OXR1: variants seen among roughly 807,000 people sequenced by gnomAD.
The protein encoded by OXR1 is oxidation resistance 1.
A neutral mutation model predicts 104.6 loss-of-function variants in OXR1; 41 were observed. That is an observed-to-expected ratio of 0.39 (90% CI 0.31 to 0.51). The LOEUF (loss-of-function observed/expected upper bound fraction) is 0.51. Among genes scored for constraint, OXR1 ranks in the 20% least tolerant of loss-of-function variants. The pLI is 0.77. For missense variants in OXR1, 955 were observed against 1,031.9 expected (o/e 0.93, Z 1.02); for synonymous variants, 348 against 348.4 (o/e 1.00, Z 0.01).
At chr8:106,612,958 C>T (rs1278309199) in intron 3 of OXR1, among the ~76,000 whole-genome samples, 2 of 152,076 alleles carry the variant, frequency 1.3e-5, no homozygotes, top group Non-Finnish European at 2.9e-5. Context: ...AGAATCATAA[C>T]TGCTCATCAC....
At chr8:106,338,822 T>C (rs1301332499) in intron 1 of OXR1, among the ~76,000 whole-genome samples, 1 of 152,128 alleles carries the variant, frequency 6.6e-6, no homozygotes, top group Non-Finnish European at 1.5e-5. Flanking sequence ...TTTGTGATTC[T>C]TGGTATTTAT....
intron 2 of OXR1, among the ~76,000 whole-genome samples, chr8:106,416,225 A>G (rs983714675): frequency 4.6e-5 from 7 of 152,154 alleles, no homozygotes; most frequent in Admixed American, 3.9e-4. Flanking sequence ...TCATGAGTGT[A>G]AGAGAGAATC....
intron 14 of OXR1, among the ~76,000 whole-genome samples, chr8:106,740,746 A>G (rs1016275887): frequency 6.6e-6 from 1 of 152,102 alleles, no homozygotes; most frequent in African/African-American, 2.4e-5. Context: ...CAACATCTCT[A>G]ATGGTGGGGA....
intron 7 of OXR1, among the ~76,000 whole-genome samples, chr8:106,698,509 G>C (rs567343154): frequency 6.6e-6 from 1 of 151,858 alleles, no homozygotes; most frequent in African/African-American, 2.4e-5. Context: ...CTCTTCTTTG[G>C]GAACTCCAAT....
At chr8:106,482,479 G>A (rs147631781) in intron 2 of OXR1, among the ~76,000 whole-genome samples, 80 of 151,304 alleles carry the variant, frequency 5.3e-4, no homozygotes, top group African/African-American at 1.6e-3. Context: ...TGTTGAGAGA[G>A]TTACATCGAT....
chr8:106,523,936 G>A (rs1281418292), intron 3 of OXR1, among the ~76,000 whole-genome samples: 1 of 151,948 alleles, frequency 6.6e-6, no homozygotes, highest in African/African-American at 2.4e-5. Context: ...CACCATGCCT[G>A]GCTAAGTTTT....
intron 2 of OXR1, among the ~76,000 whole-genome samples, chr8:106,382,859 C>T (rs1243117708): frequency 3.9e-5 from 6 of 152,008 alleles, no homozygotes; most frequent in South Asian, 2.1e-4. Flanking sequence ...AAGGCTAATG[C>T]AGGTGAAATA....
At chr8:106,618,989 G>C (rs1484496055) in intron 3 of OXR1, among the ~76,000 whole-genome samples, 1 of 152,042 alleles carries the variant, frequency 6.6e-6, no homozygotes, top group Middle Eastern at 3.2e-3. Flanking sequence ...AAAAAGAACT[G>C]AGGCGTGTAA....
chr8:106,601,263 G>T (rs952926239), intron 3 of OXR1, among the ~76,000 whole-genome samples: 1 of 152,194 alleles, frequency 6.6e-6, no homozygotes, highest in African/African-American at 2.4e-5. Context: ...AGGATGGGAG[G>T]TATGGTAGCC....
intron 2 of OXR1, among the ~76,000 whole-genome samples, chr8:106,456,686 T>C (rs1487482615): frequency 6.6e-6 from 1 of 152,164 alleles, no homozygotes; most frequent in African/African-American, 2.4e-5. Flanking sequence ...CATGATAACA[T>C]AACAATACAT....
chr8:106,336,725 G>A (rs756206921), intron 1 of OXR1, among the ~76,000 whole-genome samples: 55 of 152,066 alleles, frequency 3.6e-4, no homozygotes, highest in Non-Finnish European at 5.6e-4. Context: ...TTCATTTTTG[G>A]TGAACTCTTA....
At chr8:106,584,228 GAAA>G (rs1161625082) in intron 3 of OXR1, among the ~76,000 whole-genome samples, 1 of 151,280 alleles carries the variant, frequency 6.6e-6, no homozygotes, top group East Asian at 1.9e-4. Context: ...AAATAATAGA[GAAA>G]AAGTAGAGAA....
At chr8:106,690,792 A>G (rs887759004) in intron 6 of OXR1, among the ~76,000 whole-genome samples, 5 of 151,960 alleles carry the variant, frequency 3.3e-5, no homozygotes, top group African/African-American at 1.2e-4. Context: ...TACAGCATAC[A>G]CTGCTTCAAA....
At chr8:106,395,975 T>C (rs1817762242) in intron 2 of OXR1, among the ~76,000 whole-genome samples, 1 of 152,066 alleles carries the variant, frequency 6.6e-6, no homozygotes, top group African/African-American at 2.4e-5. Flanking sequence ...GAGTTCCCAA[T>C]GGCCAAGACT....
chr8:106,409,009 C>T (rs886287341), intron 2 of OXR1, among the ~76,000 whole-genome samples: 2 of 152,128 alleles, frequency 1.3e-5, no homozygotes, highest in Non-Finnish European at 2.9e-5. Context: ...AAAAATTCCC[C>T]CATACTCCCT....
intron 16 of OXR1, among the ~76,000 whole-genome samples, chr8:106,747,399 CT>C (rs1835480831): frequency 6.6e-6 from 1 of 152,200 alleles, no homozygotes; most frequent in South Asian, 2.1e-4. Flanking sequence ...TACTCATTTT[CT>C]TTCATCCAAC....
At chr8:106,609,729 A>ACTAC (rs1820668397) in intron 3 of OXR1, among the ~76,000 whole-genome samples, 1 of 152,156 alleles carries the variant, frequency 6.6e-6, no homozygotes, top group Admixed American at 6.5e-5. Flanking sequence ...TATATAAAAG[A>ACTAC]CTACCCATAT....
At chr8:106,715,096 A>G (rs1428647967) in intron 11 of OXR1, among the ~76,000 whole-genome samples, 6 of 152,162 alleles carry the variant, frequency 3.9e-5, no homozygotes. Context: ...GGATGAATAC[A>G]TTTTTGAATA....
chr8:106,617,842 A>C (rs960524084), intron 3 of OXR1, among the ~76,000 whole-genome samples: 1 of 152,128 alleles, frequency 6.6e-6, no homozygotes, highest in Non-Finnish European at 1.5e-5. Context: ...TTGTGATCTC[A>C]CTCCATGATA....
Sources: gnomAD v4.1 joint callset for allele counts (sites outside exome capture counted in the v4.1 genomes callset) on GRCh38, gnomAD v4.1.1 for gene constraint, MANE v1.5 for transcripts, NCBI Gene and HGNC (gene_info 2026-07-23, HGNC 2026-07-21) for gene names.